RGS7: variants seen among roughly 807,000 people sequenced by gnomAD.
RGS7 encodes the protein regulator of G protein signaling 7, also known as regulator of G-protein signaling 7.
Under a neutral mutation model 81.1 loss-of-function variants are expected in RGS7, and 27 were observed. The ratio of observed to expected loss-of-function variants is 0.33; its 90% CI spans 0.25 to 0.46. The LOEUF is 0.46. Ranked by LOEUF, RGS7 falls within the 20% of genes least tolerant of loss-of-function variation. The probability of loss-of-function intolerance (pLI) is 1.00; values close to 1 mark genes in which losing one functional copy is unlikely to be tolerated. For synonymous variants in RGS7, 208 were observed against 207.7 expected, an observed-to-expected ratio of 1.00 and a Z score of -0.01; for missense variants, 396 against 607.4, an observed-to-expected ratio of 0.65 and a Z score of 3.66.
chr1:240,891,042 T>G (rs141592537), intron 6 of RGS7, among the ~76,000 whole-genome samples: 1 of 152,134 alleles, frequency 6.6e-6, no homozygotes, highest in African/African-American at 2.4e-5. Flanking sequence ...AAAGAAAGGA[T>G]TATAGTGAGA....
intron 3 of RGS7, among the ~76,000 whole-genome samples, chr1:241,085,457 C>T (rs2493003): frequency 0.25 from 37,647 of 151,962 alleles, 6,403 homozygotes; most frequent in African/African-American, 0.48. Flanking sequence ...GACAGAGTCT[C>T]TCTGTCATCC....
intron 2 of RGS7, among the ~76,000 whole-genome samples, chr1:241,138,177 C>CAAAAAAAAAA: frequency 8.7e-6 from 1 of 115,410 alleles, no homozygotes; most frequent in Non-Finnish European, 1.9e-5. Context: ...ATCTCAAAAA[C>CAAAAAAAAAA]AAAAAAAAAA....
chr1:241,072,404 C>T (rs1332143196), intron 3 of RGS7, among the ~76,000 whole-genome samples: 1 of 152,174 alleles, frequency 6.6e-6, no homozygotes, highest in Non-Finnish European at 1.5e-5. Context: ...TTCACATCCA[C>T]CTCCCTATCT....
At chr1:241,239,130 G>A (rs974575773) in intron 2 of RGS7, among the ~76,000 whole-genome samples, 7 of 151,922 alleles carry the variant, frequency 4.6e-5, no homozygotes, top group Admixed American at 2.0e-4. Flanking sequence ...CACCACGCCC[G>A]GCTAATTTTG....
intron 3 of RGS7, among the ~76,000 whole-genome samples, chr1:241,042,943 G>C (rs1215746432): frequency 7.0e-6 from 1 of 143,788 alleles, no homozygotes; most frequent in African/African-American, 2.6e-5. Flanking sequence ...GTGACAAAGC[G>C]ATACTCCGTC....
At chr1:241,021,943 AG>A (rs2148697693) in intron 3 of RGS7, among the ~76,000 whole-genome samples, 1 of 152,264 alleles carries the variant, frequency 6.6e-6, no homozygotes, top group East Asian at 1.9e-4. Flanking sequence ...ATCTAAAGTG[AG>A]GATGGTAAGA....
At chr1:241,291,194 G>A (rs906684760) in intron 2 of RGS7, among the ~76,000 whole-genome samples, 2 of 152,166 alleles carry the variant, frequency 1.3e-5, no homozygotes, top group African/African-American at 4.8e-5. Context: ...GAACACAAAG[G>A]AGGAAGACCA....
chr1:240,898,610 TC>T (rs1669476319), intron 6 of RGS7, among the ~76,000 whole-genome samples: 1 of 152,234 alleles, frequency 6.6e-6, no homozygotes, highest in Non-Finnish European at 1.5e-5. Flanking sequence ...AGTTTCTTAA[TC>T]CTGACTTCTA....
rs184127027 is a variant in RGS7, at chr1:240,986,127, A to G, written c.176-2998T>C. On this transcript the variant is annotated intron_variant, in intron 3 of 18. Coordinates refer to ENST00000440928, the MANE Select transcript of RGS7 (RefSeq NM_001364886.1). The stretch of plus-strand genomic sequence containing the variant: ...ATCACACTTTCACTGTAGCCTATGG[A>G]AAGTTTATACAGGCATATGTCACTT... 3.5e-3 allele frequency among the ~76,000 whole-genome samples: 527 copies of G among 152,190 alleles called. 3 individuals are homozygous for G. The highest frequency in any genetic ancestry group is 0.012 in the African/African-American group (478 of 41,536).
chr1:240,908,513 T>A (rs370563480), intron 6 of RGS7, among the ~76,000 whole-genome samples: 1 of 152,136 alleles, frequency 6.6e-6, no homozygotes, highest in South Asian at 2.1e-4. Flanking sequence ...GTCTTTCCTA[T>A]AGTTGTTAAG....
intron 2 of RGS7, among the ~76,000 whole-genome samples, chr1:241,181,725 G>A (rs1216859106): frequency 6.6e-6 from 1 of 152,128 alleles, no homozygotes; most frequent in Non-Finnish European, 1.5e-5. Flanking sequence ...TAGACACTGG[G>A]TCTGGCTCTG....
At chr1:240,799,784 T>C (rs1687735585) in intron 18 of RGS7, among the ~76,000 whole-genome samples, 1 of 152,184 alleles carries the variant, frequency 6.6e-6, no homozygotes, top group Non-Finnish European at 1.5e-5. Context: ...TCCCAAGACA[T>C]AGCACATGGT....
rs1215198958 is a variant in RGS7, at chr1:240,868,097, GAA to G, written c.609+488_609+489del. Among the ~76,000 whole-genome samples, 2 of 123,086 alleles carry G rather than the reference GAA, an allele frequency of 1.6e-5. No individual in the cohort carries two copies. The highest frequency in any genetic ancestry group is 6.4e-5 in the African/African-American group (2 of 31,056). The allele number at this position is 123,086 out of a possible 152,430, so 80.7% of individuals were successfully genotyped here. A position where few individuals can be genotyped will look rare whatever the true frequency, so the allele number is the denominator to read the frequency against. ...AAGAAAGAAAGAAAAAGAAAGAAAAGAAAAAGAAAGAAAAGAAAAGGAAAGAA... is the reference window on the plus strand; with the variant it reads ...AAGAAAGAAAGAAAAAGAAAGAAAAGAAAGAAAGAAAAGAAAAGGAAAGAA... On this transcript the variant is annotated intron_variant, in intron 9 of 18. Coordinates refer to ENST00000440928, the MANE Select transcript of RGS7 (RefSeq NM_001364886.1). The surrounding 1 kb of genome is among the most constrained non-coding windows in gnomAD (Gnocchi z 5.1).
At chr1:240,777,081 G>A (rs1479795450) in intron 18 of RGS7, among the ~76,000 whole-genome samples, 3 of 152,162 alleles carry the variant, frequency 2.0e-5, no homozygotes, top group Non-Finnish European at 4.4e-5. Context: ...GATCACCTGA[G>A]GTCAGGAGTT....
chr1:240,780,493 G>A (rs1451106078), intron 18 of RGS7, among the ~76,000 whole-genome samples: 1 of 149,196 alleles, frequency 6.7e-6, no homozygotes, highest in Non-Finnish European at 1.5e-5. Context: ...GATGAAGGAA[G>A]GTACACATCA....
At chr1:241,259,667 A>AAAAAAAAAAAAAATATATATATATAT in intron 2 of RGS7, among the ~76,000 whole-genome samples, 2 of 49,146 alleles carry the variant, frequency 4.1e-5, no homozygotes, top group African/African-American at 7.9e-5. Context: ...AAAAAAAAAA[A>AAAAAAAAAAAAAATATATATATATAT]ATATATATAT....
intron 2 of RGS7, among the ~76,000 whole-genome samples, chr1:241,157,355 T>C (rs1178497788): frequency 2.6e-5 from 4 of 152,188 alleles, no homozygotes; most frequent in African/African-American, 7.2e-5. Context: ...GGGAGAGGAC[T>C]TGAGGCTGGG....
intron 2 of RGS7, among the ~76,000 whole-genome samples, chr1:241,122,957 G>T (rs1209052391): frequency 6.6e-6 from 1 of 152,110 alleles, no homozygotes; most frequent in African/African-American, 2.4e-5. Flanking sequence ...ATTAAGTTGG[G>T]GACCATCTGT....
chr1:241,336,695 G>T (rs1190293111), intron 2 of RGS7, among the ~76,000 whole-genome samples: 2 of 152,172 alleles, frequency 1.3e-5, no homozygotes, highest in Non-Finnish European at 2.9e-5. Context: ...AATCTTCAAG[G>T]TTATTTATTA....
Sources: gnomAD v4.1 joint callset for allele counts (sites outside exome capture counted in the v4.1 genomes callset) on GRCh38, gnomAD v4.1.1 for gene constraint, Gnocchi (gnomAD v3.1) non-coding constraint, MANE v1.5 for transcripts, NCBI Gene and HGNC (gene_info 2026-07-23, HGNC 2026-07-21) for gene names.